SORCS1: variants seen among roughly 807,000 people sequenced by gnomAD.
SORCS1 encodes sortilin related VPS10 domain containing receptor 1.
Under a neutral mutation model 146.1 loss-of-function variants are expected in SORCS1, and 60 were observed. The ratio of observed to expected loss-of-function variants is 0.41; its 90% CI spans 0.33 to 0.51. The LOEUF (loss-of-function observed/expected upper bound fraction) is 0.51. SORCS1 is among the 20% of genes least tolerant of loss of function. SORCS1 has a pLI of 0.21. For missense variants in SORCS1, 1,352 were observed against 1,487.6 expected, an observed-to-expected ratio of 0.91 and a Z score of 1.50; for synonymous variants, 637 against 584.0, an observed-to-expected ratio of 1.09 and a Z score of -1.31.
intron 6 of SORCS1, among the ~76,000 whole-genome samples, chr10:106,712,761 A>C (rs952222733): frequency 6.6e-6 from 1 of 152,242 alleles, no homozygotes; most frequent in African/African-American, 2.4e-5. Flanking sequence ...AAGACTAGTT[A>C]AGCCAAATTT....
chr10:106,576,255 A>G lies in SORCS1; in HGVS notation c.*1165T>C, dbSNP rs1844571701. On this transcript the variant is annotated 3_prime_UTR_variant, in exon 26 of 26. Transcript: ENST00000263054. ...TGCTTGGGAATGTACAAAACTGACA[A>G]AGGGCTCAGAAACTTGTGAGTAGTG... is the stretch of plus-strand genomic sequence containing the variant. 1 of 152,710 alleles carries G rather than the reference A, an allele frequency of 6.5e-6. No homozygotes were observed. The highest frequency in any genetic ancestry group is 6.5e-5 in the Admixed American group (1 of 15,292). The allele number at this position is 152,710 out of a possible 1,614,324, so 9.5% of individuals were successfully genotyped here.
chr10:106,903,558 A>G lies in SORCS1; in HGVS notation c.626+52955T>C, dbSNP rs561781198. Among the ~76,000 whole-genome samples, 5 of 152,226 alleles carry G rather than the reference A, an allele frequency of 3.3e-5. No homozygotes were observed. The South Asian group carries it at 1.0e-3, about 32-fold the overall frequency. The stretch of plus-strand genomic sequence containing the variant: ...AACAAATTTGCCTGAAATTTTGTAA[A>G]TTAATGAACATTGTTTGTTTTGGAA... On this transcript the variant is annotated intron_variant, in intron 2 of 25. Transcript: ENST00000263054.
At chr10:106,968,337 AAGAC>A (rs1247069558) in intron 1 of SORCS1, among the ~76,000 whole-genome samples, 1 of 152,240 alleles carries the variant, frequency 6.6e-6, no homozygotes, top group Non-Finnish European at 1.5e-5. Flanking sequence ...TGATCTGAGA[AAGAC>A]AGATTTCCAT....
chr10:107,021,220 T>C (rs1307080259), intron 1 of SORCS1, among the ~76,000 whole-genome samples: 2 of 151,980 alleles, frequency 1.3e-5, no homozygotes, highest in Admixed American at 6.6e-5. Context: ...AATTTAAGAA[T>C]ATGCATATTT....
At chr10:106,990,226 T>C (rs932096570) in intron 1 of SORCS1, among the ~76,000 whole-genome samples, 3 of 152,166 alleles carry the variant, frequency 2.0e-5, no homozygotes, top group African/African-American at 7.2e-5. Context: ...ATTTGCCCTA[T>C]TCTAAAAACA....
At chr10:106,935,812 C>G (rs1308591417) in intron 2 of SORCS1, among the ~76,000 whole-genome samples, 2 of 152,224 alleles carry the variant, frequency 1.3e-5, no homozygotes, top group Non-Finnish European at 2.9e-5. Context: ...ATTTACTTCT[C>G]ACAGGATTCA....
At chr10:106,641,075 G>T (rs138768430) in intron 18 of SORCS1, among the ~76,000 whole-genome samples, 272 of 152,294 alleles carry the variant, frequency 1.8e-3, no homozygotes, top group African/African-American at 6.4e-3. Context: ...GCTAATGAAG[G>T]TTCTGTCATG....
At chr10:106,721,777 T>C (rs571959370) in intron 6 of SORCS1, among the ~76,000 whole-genome samples, 2 of 152,344 alleles carry the variant, frequency 1.3e-5, no homozygotes, top group East Asian at 3.9e-4. Context: ...TACGCGAGCT[T>C]GAATGCGGAC....
chr10:106,899,136 C>A (rs1951600282), intron 2 of SORCS1, among the ~76,000 whole-genome samples: 1 of 152,156 alleles, frequency 6.6e-6, no homozygotes, highest in South Asian at 2.1e-4. Flanking sequence ...CAGAACCAAG[C>A]CATATTTTTT....
rs779686703 is a variant in SORCS1, at chr10:106,679,675, G to C, written c.1620C>G (p.Ile540Met). 3.1e-6 allele frequency: 5 copies of C among 1,612,798 alleles called. No homozygotes were observed. Among genetic ancestry groups the C allele is most frequent in the Non-Finnish European group, 4.2e-6 (5 of 1,179,330 alleles). Reference protein sequence around the residue: ...KVSENPYTSGIIASKDTAPSI... With the variant: ...KVSENPYTSGMIASKDTAPSI... ...TTGGAGCTGTGTCTTTGCTGGCAATGATCCCTGATGTGTAGGGATTCTCAG... is the reference window on the plus strand; with the variant it reads ...TTGGAGCTGTGTCTTTGCTGGCAATCATCCCTGATGTGTAGGGATTCTCAG... Residue 540 changes from isoleucine (I) to methionine (M), a missense_variant, in exon 11 of 26, where the codon ATC (isoleucine) becomes ATG (methionine). This residue lies in a region of SORCS1 where 648 missense variants were observed against 793.8 expected (regional missense o/e 0.82). Transcript: ENST00000263054.
chr10:106,748,945 C>G (rs753885039), intron 5 of SORCS1, among the ~76,000 whole-genome samples: 6 of 152,172 alleles, frequency 3.9e-5, no homozygotes, highest in Non-Finnish European at 5.9e-5. Context: ...GTGGCATACA[C>G]AAATGATTTC....
chr10:106,787,996 T>C (rs1395899063), intron 3 of SORCS1, among the ~76,000 whole-genome samples: 1 of 152,234 alleles, frequency 6.6e-6, no homozygotes, highest in Non-Finnish European at 1.5e-5. Flanking sequence ...TTGGCTTTCT[T>C]TGAATGTGTC....
intron 4 of SORCS1, among the ~76,000 whole-genome samples, chr10:106,769,636 A>G (rs547069775): frequency 6.6e-6 from 1 of 152,352 alleles, no homozygotes; most frequent in South Asian, 2.1e-4. Context: ...AAGAAGGCAG[A>G]GAACTAAAAT....
intron 1 of SORCS1, among the ~76,000 whole-genome samples, chr10:107,159,256 A>G (rs1969527476): frequency 6.6e-6 from 1 of 152,190 alleles, no homozygotes; most frequent in Non-Finnish European, 1.5e-5. Context: ...TGTCATTTCT[A>G]CATCCCCAAC....
chr10:106,919,813 T>C (rs1158657544), intron 2 of SORCS1, among the ~76,000 whole-genome samples: 1 of 152,206 alleles, frequency 6.6e-6, no homozygotes, highest in Admixed American at 6.5e-5. Context: ...CTCAGGACAA[T>C]CCTAATTTAT....
chr10:106,929,773 G>GCACACACACACA (rs36086801), intron 2 of SORCS1, among the ~76,000 whole-genome samples: 3 of 150,278 alleles, frequency 2.0e-5, no homozygotes, highest in African/African-American at 7.3e-5. Flanking sequence ...ATGTGCACGT[G>GCACACACACACA]CACACACACA....
intron 1 of SORCS1, among the ~76,000 whole-genome samples, chr10:107,147,042 C>T (rs1456452431): frequency 6.6e-6 from 1 of 152,088 alleles, no homozygotes; most frequent in Non-Finnish European, 1.5e-5. Context: ...TAAGTCCTTA[C>T]CTACATTTAA....
chr10:106,792,527 G>T (rs77130466), intron 3 of SORCS1, among the ~76,000 whole-genome samples: 22 of 152,334 alleles, frequency 1.4e-4, no homozygotes, highest in Non-Finnish European at 2.8e-4. Context: ...ATTAGGCATG[G>T]AGAGACATAA....
chr10:106,701,490 T>C (rs902473236), intron 8 of SORCS1, among the ~76,000 whole-genome samples: 8 of 152,210 alleles, frequency 5.3e-5, no homozygotes, highest in African/African-American at 1.9e-4. Context: ...AGTATCTCAC[T>C]ATTGGTTTTT....
Sources: allele counts gnomAD v4.1 joint callset (sites outside exome capture counted in the v4.1 genomes callset), GRCh38; gene constraint gnomAD v4.1.1; regional missense constraint gnomAD v4.1.1; transcripts MANE v1.5; gene names NCBI Gene and HGNC (gene_info 2026-07-23, HGNC 2026-07-21).